OPHN1: variants seen among roughly 807,000 people sequenced by gnomAD.
The protein encoded by OPHN1 is oligophrenin 1, also known as oligophrenin-1.
Under a neutral mutation model 60.7 loss-of-function variants are expected in OPHN1, and 11 were observed. The observed-to-expected ratio is 0.18, with a 90% CI of 0.11 to 0.30. The LOEUF (loss-of-function observed/expected upper bound fraction) is 0.30, where lower values mean the gene tolerates loss of function less well. OPHN1 is among the 10% of genes least tolerant of loss of function. OPHN1 has a pLI of 1.00. For synonymous variants in OPHN1, 226 were observed against 222.6 expected (o/e 1.02, Z -0.14); for missense variants, 449 against 611.0 (o/e 0.73, Z 2.80).
chrX:68,226,041 T>G (rs191072256), intron 6 of OPHN1, among the ~76,000 whole-genome samples: 21 of 111,714 alleles, frequency 1.9e-4, no homozygotes, highest in Admixed American at 1.3e-3. Context: ...TTAAATGACC[T>G]GATGCAGCTG....
intron 15 of OPHN1, among the ~76,000 whole-genome samples, chrX:68,128,863 C>G (rs2077182534): frequency 9.0e-6 from 1 of 111,494 alleles, no homozygotes; most frequent in South Asian, 3.7e-4. Flanking sequence ...ATAGTTAGGT[C>G]AGTGGAAAAA....
intron 19 of OPHN1, among the ~76,000 whole-genome samples, chrX:68,079,025 A>AAATG (rs2076964747): frequency 9.2e-6 from 1 of 108,920 alleles, no homozygotes; most frequent in Admixed American, 9.8e-5. Context: ...ATAAATAAAT[A>AAATG]AAGTAAACAA....
intron 10 of OPHN1, among the ~76,000 whole-genome samples, chrX:68,204,675 A>C (rs1318525704): frequency 8.9e-6 from 1 of 111,781 alleles, no homozygotes; most frequent in Non-Finnish European, 1.9e-5. Context: ...GTGAGTAACT[A>C]AGTTCTTCTT....
intron 2 of OPHN1, among the ~76,000 whole-genome samples, chrX:68,374,229 G>A (rs925348018): frequency 1.8e-5 from 2 of 109,046 alleles, no homozygotes; most frequent in Non-Finnish European, 1.9e-5. Flanking sequence ...GGTGCCGCAC[G>A]CATGTAGTCC....
chrX:68,206,470 A>G, intron 10 of OPHN1, 103 bp downstream of exon 10: 1 of 628,849 alleles, frequency 1.6e-6, no homozygotes, highest in South Asian at 2.3e-5. Context: ...GGCCTCACGT[A>G]ACAGTGATGA....
At chrX:68,289,098 GC>G (rs1267042356) in intron 3 of OPHN1, among the ~76,000 whole-genome samples, 1 of 110,730 alleles carries the variant, frequency 9.0e-6, no homozygotes. Context: ...AAGAAAATTG[GC>G]TAAGAAATGG....
chrX:68,380,498 T>C (rs1373644502), intron 2 of OPHN1, among the ~76,000 whole-genome samples: 8 of 111,586 alleles, frequency 7.2e-5, no homozygotes, highest in Non-Finnish European at 1.3e-4. Flanking sequence ...CTCTTGCTTT[T>C]CTAGTTCTTT....
At chrX:68,224,927 G>A (rs896908615) in intron 6 of OPHN1, among the ~76,000 whole-genome samples, 3 of 112,188 alleles carry the variant, frequency 2.7e-5, no homozygotes, top group Admixed American at 9.4e-5. Context: ...GCAGGGCATC[G>A]CCTCACCCTG....
intron 15 of OPHN1, among the ~76,000 whole-genome samples, chrX:68,182,220 G>A (rs184465388): frequency 1.2e-3 from 84 of 67,560 alleles, no homozygotes; most frequent in African/African-American, 4.6e-3. Flanking sequence ...TTCCTATGAT[G>A]GTAGTTTCTC....
chrX:68,329,432 G>C (rs1268641488), intron 2 of OPHN1, among the ~76,000 whole-genome samples: 1 of 112,137 alleles, frequency 8.9e-6, no homozygotes, highest in Non-Finnish European at 1.9e-5. Flanking sequence ...ATTAGAAATA[G>C]CCTACATGCC....
chrX:68,378,445 A>C (rs952390525), intron 2 of OPHN1, among the ~76,000 whole-genome samples: 10 of 111,258 alleles, frequency 9.0e-5, no homozygotes, highest in Non-Finnish European at 1.5e-4. Flanking sequence ...ATTAGATCCC[A>C]TTGGTCAAAT....
rs140648893 is a variant in OPHN1 at position 68,250,596 on chromosome X, T to C, written c.385-16008A>G. Among the ~76,000 whole-genome samples, 833 of 111,738 alleles carry C rather than the reference T, an allele frequency of 7.5e-3. 2 individuals are homozygous for C. The highest frequency in any genetic ancestry group is 0.013 in the Non-Finnish European group (685 of 53,206). ...CTAGTGCTTGACTGTGCCAAAGTTA[T>C]GTCACCTCCCTGTGCCTTAGGTTTT... On this transcript the variant is annotated intron_variant, in intron 5 of 24. Transcript: ENST00000355520.
chrX:68,055,480 T>C (rs891165348), intron 21 of OPHN1, among the ~76,000 whole-genome samples: 5 of 111,814 alleles, frequency 4.5e-5, no homozygotes, highest in African/African-American at 9.8e-5. Context: ...CGTGGAGAAA[T>C]AGGAACACTT....
chrX:68,201,592 T>C lies in OPHN1; in HGVS notation c.1025+27A>G, dbSNP rs181080374. On this transcript the variant is annotated intron_variant, in intron 11 of 24. Coordinates refer to ENST00000355520, the MANE Select transcript of OPHN1 (RefSeq NM_002547.3). ...GCTAAGCATCTGGCACGTGGGGACA[T>C]TGCCAATTCACAGCGGCACAGCTTA... 2.6e-6 allele frequency: 3 copies of C among 1,154,893 alleles called. No individual in the cohort carries two copies. In the African/African-American group the frequency reaches 5.3e-5, roughly 20 times the overall value.
At chrX:68,380,941 A>G (rs1400193332) in intron 2 of OPHN1, among the ~76,000 whole-genome samples, 1 of 111,486 alleles carries the variant, frequency 9.0e-6, no homozygotes, top group Non-Finnish European at 1.9e-5. Flanking sequence ...AAGCTTAGAG[A>G]AGTGAAGTGA....
intron 5 of OPHN1, among the ~76,000 whole-genome samples, chrX:68,253,882 T>C (rs1035179322): frequency 8.9e-6 from 1 of 111,785 alleles, no homozygotes; most frequent in Non-Finnish European, 1.9e-5. Context: ...CTTAGAAAGA[T>C]TCACACAGCA....
chrX:68,432,064 A>T (rs1422898966), intron 2 of OPHN1, among the ~76,000 whole-genome samples: 1 of 110,752 alleles, frequency 9.0e-6, no homozygotes, highest in African/African-American at 3.3e-5. Context: ...AAGCAGAAAA[A>T]AAACCTCCAC....
chrX:68,425,057 A>T (rs924705757), intron 2 of OPHN1, among the ~76,000 whole-genome samples: 5 of 112,161 alleles, frequency 4.5e-5, no homozygotes, highest in African/African-American at 1.3e-4. Flanking sequence ...GAAAATGACA[A>T]GATACCTGCT....
Position 68,044,610 on chromosome X carries a change from T to C in OPHN1, c.*2562A>G, listed in dbSNP as rs1263767906. ...CCTCTGCAAAATGACTGCCCATCCA[T>C]TAAGCCTAGGGCAAGCCAGTCTCAT... On this transcript the variant is annotated 3_prime_UTR_variant, in exon 25 of 25. Coordinates refer to ENST00000355520, the MANE Select transcript of OPHN1 (RefSeq NM_002547.3). The C allele has an allele frequency of 8.9e-6, 1 of 112,745 alleles. No homozygotes were observed. The highest frequency in any genetic ancestry group is 1.9e-5 in the Non-Finnish European group (1 of 53,360). 9.3% of individuals were successfully genotyped at this position (112,745 alleles called of 1,213,427 possible). A position where few individuals can be genotyped will look rare whatever the true frequency, so the allele number is the denominator to read the frequency against.
Sources: allele counts gnomAD v4.1 joint callset (sites outside exome capture counted in the v4.1 genomes callset), GRCh38; gene constraint gnomAD v4.1.1; transcripts MANE v1.5; gene names NCBI Gene and HGNC (gene_info 2026-07-23, HGNC 2026-07-21).